TRAM1: variants seen among roughly 807,000 people sequenced by gnomAD.
The protein encoded by TRAM1 is translocation associated membrane protein 1.
In TRAM1, 17 loss-of-function variants were observed where a neutral mutation model predicts 48.7. That is an observed-to-expected ratio of 0.35 (90% CI 0.24 to 0.52). The LOEUF (loss-of-function observed/expected upper bound fraction) is 0.52, where lower values mean the gene tolerates loss of function less well. Among genes scored for constraint, TRAM1 ranks in the 20% least tolerant of loss-of-function variants. The pLI is 0.94. For synonymous variants in TRAM1, 182 were observed against 154.0 expected (o/e 1.18, Z -1.34); for missense variants, 351 against 441.5 (o/e 0.79, Z 1.84).
chr8:70,598,218 A>G lies in TRAM1; in HGVS notation c.225T>C (p.Tyr75=). 2.5e-6 allele frequency: 4 copies of G among 1,612,896 alleles called. No individual in the cohort carries two copies. Among genetic ancestry groups the G allele is most frequent in the Non-Finnish European group, 3.4e-6 (4 of 1,179,450 alleles). The change falls in exon 3 of 11, where the codon TAT becomes TAC. Residue 75 remains tyrosine, a synonymous_variant. Coordinates refer to ENST00000262213, the MANE Select transcript of TRAM1 (RefSeq NM_014294.6). The stretch of plus-strand genomic sequence containing the variant: ...AAACAGTAGCCAAATCTTTGATGCC[A>G]TAGTAATAAAGGGACACTGATTCAG... ...QATESVSLYY[Y]GIKDLATVFF...
In TRAM1 at chr8:70,608,086, G is replaced by A. The variant is rs775401527; in HGVS notation, c.114C>T (p.Leu38=). The part of the protein sequence containing the change: ...SCVAMVFLLG[L]MFEITAKASI... Reference sequence around the variant, plus strand: ...CTCGGGGCGGGCTCACCTCAAACATGAGCCCCAGCAGGAAGACCATCGCCA... The same window carrying A: ...CTCGGGGCGGGCTCACCTCAAACATAAGCCCCAGCAGGAAGACCATCGCCA... The change falls in exon 1 of 11, where the codon CTC becomes CTT. Residue 38 remains leucine (L), a synonymous_variant. Coordinates refer to ENST00000262213, the MANE Select transcript of TRAM1 (RefSeq NM_014294.6). 2.3e-5 allele frequency: 36 copies of A among 1,597,934 alleles called. 1 individual carries two copies. The South Asian group carries it at 3.6e-4, about 16-fold the overall frequency.
In TRAM1 at chr8:70,586,930, G is replaced by C; in HGVS notation, c.711C>G (p.Arg237=). 6.2e-7 allele frequency: 1 copy of C among 1,613,786 alleles called. No individual in the cohort carries two copies. Among genetic ancestry groups the C allele is most frequent in the Non-Finnish European group, 8.5e-7 (1 of 1,179,886 alleles). The stretch of plus-strand genomic sequence containing the variant: ...ACTTTTCATTGCTAAAATAAAACAG[G>C]CGGGAAATGTGGAAAAGAAATTCAA... ...YFVEFLFHIS[R]LFYFSNEKYQ... The change falls in exon 8 of 11, where the codon CGC becomes CGG. Residue 237 remains arginine (R), a synonymous_variant. Coordinates refer to ENST00000262213, the MANE Select transcript of TRAM1 (RefSeq NM_014294.6).
intron 1 of TRAM1, among the ~76,000 whole-genome samples, chr8:70,606,411 G>C (rs1483510630): frequency 6.6e-6 from 1 of 152,170 alleles, no homozygotes; most frequent in Non-Finnish European, 1.5e-5. Context: ...GCCTAGGCTG[G>C]TCTCGAACTC....
At chr8:70,582,755 G>C (rs1224890538) in intron 10 of TRAM1, among the ~76,000 whole-genome samples, 1 of 151,840 alleles carries the variant, frequency 6.6e-6, no homozygotes, top group Non-Finnish European at 1.5e-5. Flanking sequence ...CAAGCAATCA[G>C]AAGTTATAAA....
At chr8:70,590,952 C>T (rs1363856086) in intron 6 of TRAM1, among the ~76,000 whole-genome samples, 1 of 151,430 alleles carries the variant, frequency 6.6e-6, no homozygotes, top group East Asian at 1.9e-4. Flanking sequence ...GCTGAGGGAC[C>T]TTAGGCAAGC....
At chr8:70,575,070 T>C (rs989332185) in intron 10 of TRAM1, 65 bp from the exon 11 acceptor site, 8 of 1,168,996 alleles carry the variant, frequency 6.8e-6, no homozygotes, top group East Asian at 4.9e-5. Context: ...AATCTTTATA[T>C]GTAAAGATAC....
rs776643087 is a variant in TRAM1, at chr8:70,597,906, T to G, written c.415A>C (p.Ile139Leu). The G allele has an allele frequency of 6.3e-7, 1 of 1,595,948 alleles. No homozygotes were observed. Among genetic ancestry groups the G allele is most frequent in the South Asian group, 1.1e-5 (1 of 87,616 alleles). Reference protein sequence around the residue: ...YLFACVWGTFILISENYISDP... With the variant: ...YLFACVWGTFLLISENYISDP... ...GAGGACATACTTACAGAGATGAGAA[T>G]GAATGTGCCCCAAACACAGGCAAAA... is the stretch of plus-strand genomic sequence containing the variant. Residue 139 changes from isoleucine to leucine, a missense_variant, in exon 4 of 11, where the codon ATT becomes CTT. Physicochemically the swap from Ile to Leu is conservative, Grantham distance 5. Coordinates refer to ENST00000262213, the MANE Select transcript of TRAM1 (RefSeq NM_014294.6).
At chr8:70,575,034 C>G in intron 10 of TRAM1, 29 bp from the exon 11 acceptor site, 1 of 1,496,262 alleles carries the variant, frequency 6.7e-7, no homozygotes, top group Admixed American at 1.9e-5. Context: ...CCATGTTACT[C>G]TCTTTTATAA....
intron 6 of TRAM1, among the ~76,000 whole-genome samples, chr8:70,588,687 T>C (rs183033411): frequency 6.6e-6 from 1 of 152,224 alleles, no homozygotes; most frequent in Admixed American, 6.5e-5. Context: ...ACACAATGAA[T>C]TATGATGTAA....
chr8:70,593,884 G>A (rs894121239), intron 6 of TRAM1, among the ~76,000 whole-genome samples: 17 of 152,230 alleles, frequency 1.1e-4, no homozygotes, highest in Non-Finnish European at 2.4e-4. Context: ...CGACTTTTGT[G>A]ATAGCATGGA....
chr8:70,586,933 G>A lies in TRAM1; in HGVS notation c.708C>T (p.Ser236=). The change falls in exon 8 of 11, where the codon TCC becomes TCT. Residue 236 remains serine, a synonymous_variant. Transcript: ENST00000262213. ...HYFVEFLFHI[S]RLFYFSNEKY... ...TTTCATTGCTAAAATAAAACAGGCG[G>A]GAAATGTGGAAAAGAAATTCAACAA... is the stretch of plus-strand genomic sequence containing the variant. The A allele has an allele frequency of 6.2e-7, 1 of 1,613,728 alleles. No homozygotes were observed.
Position 70,586,976 on chromosome 8 carries a change from A to C in TRAM1, c.665T>G (p.Leu222Arg). The change falls in exon 8 of 11, where the codon CTT becomes CGT. Residue 222 changes from leucine to arginine, a missense_variant. Physicochemically the swap from Leu to Arg is moderately radical, Grantham distance 102. Coordinates refer to ENST00000262213, the MANE Select transcript of TRAM1 (RefSeq NM_014294.6). Reference sequence around the variant, plus strand: ...TTCAACAAAATAATGTAGCACCAGAAGAACAAGTCCTAGATGATTCAAGCT... The same window carrying C: ...TTCAACAAAATAATGTAGCACCAGACGAACAAGTCCTAGATGATTCAAGCT... ...LLNLNHLGLV[L>R]LVLHYFVEFL... 6.2e-7 allele frequency: 1 copy of C among 1,613,918 alleles called. No individual in the cohort carries two copies. Among genetic ancestry groups the C allele is most frequent in the Non-Finnish European group, 8.5e-7 (1 of 1,179,900 alleles).
At chr8:70,591,890 C>T (rs979717367) in intron 6 of TRAM1, among the ~76,000 whole-genome samples, 16 of 151,770 alleles carry the variant, frequency 1.1e-4, no homozygotes, top group Admixed American at 2.0e-4. Context: ...CAGAAGATGA[C>T]GTCATGATGT....
intron 6 of TRAM1, 92 bp from the exon 7 acceptor site, chr8:70,587,268 G>T: frequency 7.6e-7 from 1 of 1,316,036 alleles, no homozygotes; most frequent in Non-Finnish European, 1.1e-6. Context: ...GCCCAGGTTG[G>T]TCTCAAAACC....
In TRAM1 at chr8:70,602,619, T is replaced by C. The variant is rs144745325; in HGVS notation, c.124-2537A>G. On this transcript the variant is annotated intron_variant, in intron 1 of 10. Transcript: ENST00000262213. ...AAAAAGCAATGTCACATATTAAGCA[T>C]AATGGGGACATGAATGGTGACTATT... 1.6e-3 allele frequency among the ~76,000 whole-genome samples: 245 copies of C among 152,302 alleles called. 2 individuals carry two copies. In the Middle Eastern group the frequency reaches 0.024, roughly 15 times the overall value.
intron 1 of TRAM1, among the ~76,000 whole-genome samples, chr8:70,606,384 C>T (rs1719787688): frequency 6.6e-6 from 1 of 152,156 alleles, no homozygotes; most frequent in South Asian, 2.1e-4. Flanking sequence ...TTTGTAGAGA[C>T]AGGGTCTCCC....
At chr8:70,589,328 A>G (rs1363703640) in intron 6 of TRAM1, among the ~76,000 whole-genome samples, 5 of 152,136 alleles carry the variant, frequency 3.3e-5, no homozygotes, top group Non-Finnish European at 7.4e-5. Flanking sequence ...AAGGAAGGAG[A>G]AAGGGTGTTG....
rs556129337 is a variant in TRAM1, at chr8:70,607,463, G to A, written c.123+614C>T. ...CAATCTGGCGCGCCTCCACTGCGCC[G>A]GTGCCCGGCGGCCACCGCCCTTCAA... is the stretch of plus-strand genomic sequence containing the variant. On this transcript the variant is annotated intron_variant, in intron 1 of 10. Transcript: ENST00000262213. 2.4e-4 allele frequency: 235 copies of A among 985,490 alleles called. 1 individual carries two copies. The Middle Eastern group carries it at 2.6e-3, about 11-fold the overall frequency. 61.0% of individuals were successfully genotyped at this position (985,490 alleles called of 1,614,324 possible). A position where few individuals can be genotyped will look rare whatever the true frequency, so the allele number is the denominator to read the frequency against.
chr8:70,574,125 T>A lies in TRAM1; in HGVS notation c.*807A>T, dbSNP rs1023330911. The A allele has an allele frequency of 1.3e-5, 4 of 319,394 alleles. No individual in the cohort carries two copies. The highest frequency in any genetic ancestry group is 9.3e-5 in the African/African-American group (4 of 43,070). 19.8% of individuals were successfully genotyped at this position (319,394 alleles called of 1,614,324 possible). A position where few individuals can be genotyped will look rare whatever the true frequency, so the allele number is the denominator to read the frequency against. On this transcript the variant is annotated 3_prime_UTR_variant, in exon 11 of 11. Coordinates refer to ENST00000262213, the MANE Select transcript of TRAM1 (RefSeq NM_014294.6). ...AAACTTTTCTAAGATGCTGTGCATA[T>A]TAAACTTATTATGAGCCCCATTAAG...
Sources: gnomAD v4.1 joint callset for allele counts (sites outside exome capture counted in the v4.1 genomes callset) on GRCh38, gnomAD v4.1.1 for gene constraint, MANE v1.5 for transcripts, NCBI Gene and HGNC (gene_info 2026-07-23, HGNC 2026-07-21) for gene names.